Variants in ASIC2 observed in about 807,000 individuals in gnomAD.
ASIC2 encodes the protein acid-sensing ion channel 2.
In ASIC2, 25 loss-of-function variants were observed where a neutral mutation model predicts 57.3. The ratio of observed to expected loss-of-function variants is 0.44; its 90% confidence interval spans 0.32 to 0.61. The LOEUF (loss-of-function observed/expected upper bound fraction) is 0.61. Among genes scored for constraint, ASIC2 ranks in the 20% least tolerant of loss-of-function variants. ASIC2 has a pLI of 0.06. For missense variants in ASIC2, 641 were observed against 738.1 expected, an observed-to-expected ratio of 0.87 and a Z score of 1.52; for synonymous variants, 319 against 307.5, an observed-to-expected ratio of 1.04 and a Z score of -0.39.
intron 1 of ASIC2, among the ~76,000 whole-genome samples, chr17:34,106,528 C>T (rs973943205): frequency 2.0e-5 from 3 of 152,066 alleles, no homozygotes; most frequent in African/African-American, 7.2e-5. Flanking sequence ...TATGTATGCA[C>T]CTATTTATCA....
At chr17:33,698,517 C>A (rs1419598561) in intron 1 of ASIC2, among the ~76,000 whole-genome samples, 1 of 152,136 alleles carries the variant, frequency 6.6e-6, no homozygotes, top group East Asian at 1.9e-4. Context: ...GGCCACCCTG[C>A]CAGTAAGTGA....
At chr17:33,610,528 T>C (rs67181753) in intron 1 of ASIC2, among the ~76,000 whole-genome samples, 10,669 of 151,996 alleles carry the variant, frequency 0.07, 1,124 homozygotes, top group African/African-American at 0.23. Flanking sequence ...TTATTTTTCT[T>C]TTTTTGGACA....
intron 1 of ASIC2, among the ~76,000 whole-genome samples, chr17:33,432,646 C>A (rs9907049): frequency 0.38 from 57,844 of 151,968 alleles, 11,488 homozygotes; most frequent in Non-Finnish European, 0.42. Context: ...ACATACAAAC[C>A]GTATTCATCA....
chr17:34,125,982 C>T (rs1298460948), intron 1 of ASIC2, among the ~76,000 whole-genome samples: 1 of 152,216 alleles, frequency 6.6e-6, no homozygotes, highest in African/African-American at 2.4e-5. Context: ...ATGTCACAGC[C>T]TCCACTGGAG....
intron 1 of ASIC2, 199 bp downstream of exon 1, chr17:33,291,209 T>A (rs1317128139): frequency 8.3e-7 from 1 of 1,200,330 alleles, no homozygotes; most frequent in African/African-American, 1.6e-5. Flanking sequence ...GGGAGGCGAC[T>A]CCTCCTACAG....
chr17:33,315,065 C>A (rs1314276254), intron 1 of ASIC2, among the ~76,000 whole-genome samples: 1 of 152,094 alleles, frequency 6.6e-6, no homozygotes, highest in Non-Finnish European at 1.5e-5. Flanking sequence ...CTGTGTGACC[C>A]AAGGCAAGTC....
intron 1 of ASIC2, among the ~76,000 whole-genome samples, chr17:33,690,291 C>A (rs903979081): frequency 1.3e-5 from 2 of 152,222 alleles, no homozygotes; most frequent in African/African-American, 4.8e-5. Flanking sequence ...CAGGACTCAA[C>A]TAGGCTGGGT....
chr17:33,579,496 T>C (rs1237503560), intron 1 of ASIC2, among the ~76,000 whole-genome samples: 1 of 152,108 alleles, frequency 6.6e-6, no homozygotes, highest in Non-Finnish European at 1.5e-5. Flanking sequence ...CGTGCCTTAC[T>C]GTGCCCAGAA....
chr17:33,583,972 C>T (rs1203789391), intron 1 of ASIC2, among the ~76,000 whole-genome samples: 1 of 152,144 alleles, frequency 6.6e-6, no homozygotes, highest in Non-Finnish European at 1.5e-5. Context: ...ATGAGCAAGC[C>T]TCTGCTTGGG....
intron 1 of ASIC2, among the ~76,000 whole-genome samples, chr17:33,187,489 G>A (rs1289267760): frequency 6.6e-6 from 1 of 152,144 alleles, no homozygotes; most frequent in East Asian, 1.9e-4. Flanking sequence ...TGTGTTGATT[G>A]TAATGGTTCC....
chr17:33,995,925 C>T (rs932392100), intron 1 of ASIC2, among the ~76,000 whole-genome samples: 9 of 152,170 alleles, frequency 5.9e-5, no homozygotes, highest in African/African-American at 2.2e-4. Context: ...AACTACCATA[C>T]TGTTTTCCAC....
intron 1 of ASIC2, among the ~76,000 whole-genome samples, chr17:33,826,079 G>A (rs1168333979): frequency 6.6e-6 from 1 of 152,220 alleles, no homozygotes; most frequent in Non-Finnish European, 1.5e-5. Context: ...ATGATTCTCT[G>A]TTGAGATACC....
At chr17:33,637,331 C>A (rs1328221272) in intron 1 of ASIC2, among the ~76,000 whole-genome samples, 1 of 152,052 alleles carries the variant, frequency 6.6e-6, no homozygotes, top group Non-Finnish European at 1.5e-5. Context: ...ATCTCCAGCT[C>A]CTGCTCCGAT....
chr17:33,773,182 A>C (rs938494994), intron 1 of ASIC2, among the ~76,000 whole-genome samples: 1 of 152,162 alleles, frequency 6.6e-6, no homozygotes, highest in African/African-American at 2.4e-5. Context: ...GGGATTGAAA[A>C]TCTTTCAGAA....
At chr17:33,324,610 C>T (rs1453366410) in intron 1 of ASIC2, among the ~76,000 whole-genome samples, 2 of 152,128 alleles carry the variant, frequency 1.3e-5, no homozygotes, top group East Asian at 1.9e-4. Context: ...TGCTGCTTCC[C>T]GAGGAAGCCT....
intron 1 of ASIC2, among the ~76,000 whole-genome samples, chr17:33,192,451 A>C (rs564532485): frequency 1.4e-4 from 20 of 144,334 alleles, no homozygotes; most frequent in African/African-American, 3.9e-4. Flanking sequence ...AAACAAAACA[A>C]AACACAACCA....
At chr17:33,567,459 G>T (rs1249733552) in intron 1 of ASIC2, among the ~76,000 whole-genome samples, 1 of 152,200 alleles carries the variant, frequency 6.6e-6, no homozygotes, top group African/African-American at 2.4e-5. Flanking sequence ...CCAGGGAAGG[G>T]TATGAGAGGA....
intron 1 of ASIC2, among the ~76,000 whole-genome samples, chr17:34,060,367 C>G (rs1464119988): frequency 6.6e-6 from 1 of 152,158 alleles, no homozygotes; most frequent in Non-Finnish European, 1.5e-5. Context: ...CTAGATCTTC[C>G]CCCTGACAGA....
intron 1 of ASIC2, among the ~76,000 whole-genome samples, chr17:33,582,659 G>C (rs1904481990): frequency 6.6e-6 from 1 of 152,106 alleles, no homozygotes; most frequent in Non-Finnish European, 1.5e-5. Context: ...TAAATATTCA[G>C]TACATATTTG....
Sources: allele counts gnomAD v4.1 joint callset (sites outside exome capture counted in the v4.1 genomes callset), GRCh38; gene constraint gnomAD v4.1.1; transcripts MANE v1.5; gene names NCBI Gene and HGNC (gene_info 2026-07-23, HGNC 2026-07-21).